RIF1: variants seen among roughly 807,000 people sequenced by gnomAD.
RIF1 encodes replication timing regulatory factor 1.
Under a neutral mutation model 247.1 loss-of-function variants are expected in RIF1, and 45 were observed. That is an observed-to-expected ratio of 0.18 (90% CI 0.14 to 0.23). The LOEUF (loss-of-function observed/expected upper bound fraction) is 0.23, where lower values mean the gene tolerates loss of function less well. Among genes scored for constraint, RIF1 ranks in the 10% least tolerant of loss-of-function variants. The probability of loss-of-function intolerance (pLI) is 1.00; values close to 1 mark genes in which losing one functional copy is unlikely to be tolerated. For synonymous variants in RIF1, 1,087 were observed against 978.8 expected (o/e 1.11, Z -2.06); for missense variants, 2,967 against 2,862.5 (o/e 1.04, Z -0.83).
At chr2:151,456,470 AATTTAT>A (rs2152462733) in intron 22 of RIF1, 102 bp from the exon 23 acceptor site, 2 of 627,276 alleles carry the variant, frequency 3.2e-6, no homozygotes, top group East Asian at 6.5e-5. Context: ...TTATATCATC[AATTTAT>A]ATTTATTATG....
intron 14 of RIF1, among the ~76,000 whole-genome samples, chr2:151,439,605 G>T (rs1691872064): frequency 1.3e-5 from 2 of 150,308 alleles, no homozygotes; most frequent in Non-Finnish European, 2.9e-5. Flanking sequence ...GGAGGCGGAG[G>T]TTGCAGTGAG....
At chr2:151,442,881 C>T (rs868064719) in intron 16 of RIF1, among the ~76,000 whole-genome samples, 1 of 149,734 alleles carries the variant, frequency 6.7e-6, no homozygotes, top group African/African-American at 2.4e-5. Context: ...ATGCCATTCT[C>T]CTGCCTCAGT....
chr2:151,513,313 C>T, the RIF1 span, among the ~76,000 whole-genome samples: 1 of 152,102 alleles, frequency 6.6e-6, no homozygotes, highest in Non-Finnish European at 1.5e-5. Flanking sequence ...CGAGTTTGCC[C>T]CAGCTCCAAA....
chr2:151,416,187 G>C (rs1383472886), intron 4 of RIF1, among the ~76,000 whole-genome samples: 1 of 152,196 alleles, frequency 6.6e-6, no homozygotes. Context: ...GCTGCTGCCT[G>C]CTCTTTTTTA....
chr2:151,489,565 T>A (rs911214848), intron 9 of RIF1, among the ~76,000 whole-genome samples: 3 of 152,060 alleles, frequency 2.0e-5, no homozygotes, highest in African/African-American at 7.2e-5. Flanking sequence ...CCTGGCTAAT[T>A]TTTTGGTTTT....
chr2:151,454,341 T>G (rs1344043381), intron 21 of RIF1, among the ~76,000 whole-genome samples: 1 of 152,168 alleles, frequency 6.6e-6, no homozygotes, highest in Non-Finnish European at 1.5e-5. Context: ...CAGACAGTAC[T>G]TTTAGGACAA....
chr2:151,452,097 T>G (rs2444267), intron 21 of RIF1, among the ~76,000 whole-genome samples: 60,438 of 152,056 alleles, frequency 0.4, 12,163 homozygotes, highest in African/African-American at 0.43. Flanking sequence ...AAATAGTCAT[T>G]GAATTGACAT....
intron 12 of RIF1, chr2:151,505,840 A>T: frequency 1.9e-6 from 1 of 538,610 alleles, no homozygotes; most frequent in Non-Finnish European, 3.3e-6. Context: ...GTATACTCCA[A>T]TGTCTTTATG....
At position 151,505,713 on chromosome 2, in the gene RIF1, G is replaced by A. The variant is rs565944075; in HGVS notation, c.*862-497G>A. ...CAGGCTTTATACTTAGTGTGAATGG[G>A]ACCTCATTCTGATACTGGGTAAGAG... On this transcript the variant is annotated intron_variant and NMD_transcript_variant, in intron 12 of 13. Coordinates refer to the RIF1 transcript ENST00000454583. 90 of 680,592 alleles carry A rather than the reference G, an allele frequency of 1.3e-4. No individual in the cohort carries two copies. In the South Asian group the frequency reaches 1.5e-3, roughly 12 times the overall value. The allele number at this position is 680,592 out of a possible 1,614,324, so 42.2% of individuals were successfully genotyped here. A position where few individuals can be genotyped will look rare whatever the true frequency, so the allele number is the denominator to read the frequency against.
At chr2:151,428,731 T>G in intron 8 of RIF1, 53 bp from the exon 9 acceptor site, 1 of 1,379,588 alleles carries the variant, frequency 7.2e-7, no homozygotes, top group South Asian at 1.2e-5. Flanking sequence ...TGATAGCAAT[T>G]ATTCTGTTTC....
the RIF1 span, chr2:151,529,358 G>T: frequency 8.4e-7 from 1 of 1,184,188 alleles, no homozygotes; most frequent in Non-Finnish European, 1.3e-6. Flanking sequence ...TTTTATAGCA[G>T]CATACTGAGC....
Position 151,465,695 on chromosome 2 carries a change from T to C in RIF1, c.6175T>C (p.Leu2059=). 3 of 1,614,164 alleles carry C rather than the reference T, an allele frequency of 1.9e-6. No homozygotes were observed. Among genetic ancestry groups the C allele is most frequent in the Non-Finnish European group, 2.5e-6 (3 of 1,180,036 alleles). The change falls in exon 30 of 36, where the codon TTG becomes CTG. Residue 2059 remains leucine (L), a synonymous_variant. Transcript: ENST00000444746. ...SKPDEAETNM[L]TAEMDNFVCD... The stretch of plus-strand genomic sequence containing the variant: ...GCCTGATGAAGCTGAAACAAACATG[T>C]TGACTGCAGAAATGGACAACTTTGT...
At position 151,479,604 on chromosome 2, in the gene RIF1, T is replaced by C. The variant is rs1256226889; in HGVS notation, c.*4533T>C. 2.0e-5 allele frequency: 3 copies of C among 152,222 alleles called. No homozygotes were observed. The highest frequency in any genetic ancestry group is 3.2e-3 in the Middle Eastern group (1 of 316). 9.4% of individuals were successfully genotyped at this position (152,222 alleles called of 1,614,324 possible). On this transcript the variant is annotated 3_prime_UTR_variant, in exon 36 of 36. Coordinates refer to ENST00000444746, the MANE Select transcript of RIF1 (RefSeq NM_018151.5). Reference sequence around the variant, plus strand: ...TAGCAGATATGCCCTGTCATTATACTGCGGACCTCTGGTCACTTAATTTTC... The same window carrying C: ...TAGCAGATATGCCCTGTCATTATACCGCGGACCTCTGGTCACTTAATTTTC...
intron 30 of RIF1, 74 bp downstream of exon 30, chr2:151,466,194 G>C: frequency 1.3e-6 from 1 of 778,380 alleles, no homozygotes; most frequent in Non-Finnish European, 2.1e-6. Context: ...GTGACCTCTG[G>C]TGAATGACAA....
chr2:151,500,752 C>A (rs1010373557), intron 11 of RIF1, among the ~76,000 whole-genome samples: 3 of 152,048 alleles, frequency 2.0e-5, no homozygotes, highest in African/African-American at 7.2e-5. Flanking sequence ...CATGTGCCAC[C>A]ACGCTTGGCT....
At chr2:151,426,201 G>GA (rs1689069267) in intron 8 of RIF1, among the ~76,000 whole-genome samples, 1 of 80,610 alleles carries the variant, frequency 1.2e-5, no homozygotes, top group Non-Finnish European at 2.4e-5. Context: ...TTGAGCTGGA[G>GA]ACTGTCCGTG....
the RIF1 span, chr2:151,520,045 A>C: frequency 3.3e-3 from 760 of 230,582 alleles, 12 homozygotes; most frequent in Non-Finnish European, 3.6e-3. Flanking sequence ...AAAACAAAAA[A>C]AAAAAAAAAT....
chr2:151,453,162 TC>T (rs575515551), intron 21 of RIF1, among the ~76,000 whole-genome samples: 1 of 151,968 alleles, frequency 6.6e-6, no homozygotes, highest in Non-Finnish European at 1.5e-5. Flanking sequence ...TCTTATCTGC[TC>T]CCCCCTCCCC....
intron 3 of RIF1, among the ~76,000 whole-genome samples, chr2:151,413,484 G>A (rs1056968913): frequency 3.3e-5 from 5 of 152,198 alleles, no homozygotes; most frequent in African/African-American, 1.2e-4. Flanking sequence ...AGGTAAAATA[G>A]AACATGTTTA....
Sources: gnomAD v4.1 joint callset for allele counts (sites outside exome capture counted in the v4.1 genomes callset) on GRCh38, gnomAD v4.1.1 for gene constraint, MANE v1.5 for transcripts, NCBI Gene and HGNC (gene_info 2026-07-23, HGNC 2026-07-21) for gene names.